The following CRTAC1 variants were observed in gnomAD, a reference collection of about 807,000 sequenced individuals.
CRTAC1 encodes the protein cartilage acidic protein 1.
CRTAC1 carries 37 observed loss-of-function variants against 67.8 expected under a neutral mutation model. The observed-to-expected ratio is 0.55, with a 90% CI of 0.42 to 0.72. The LOEUF is 0.72. Among genes scored for constraint, CRTAC1 ranks in the 30% least tolerant of loss-of-function variants. CRTAC1 has a pLI of 0.00. For synonymous variants in CRTAC1, 348 were observed against 371.0 expected (o/e 0.94, Z 0.71); for missense variants, 780 against 931.6 (o/e 0.84, Z 2.12).
At chr10:98,000,468 T>G (rs1842667526) in intron 2 of CRTAC1, among the ~76,000 whole-genome samples, 1 of 152,222 alleles carries the variant, frequency 6.6e-6, no homozygotes, top group Non-Finnish European at 1.5e-5. Flanking sequence ...CGCTCTGCAG[T>G]AGCAGCCAGC....
At chr10:97,898,189 T>C (rs2050487207) in intron 8 of CRTAC1, among the ~76,000 whole-genome samples, 1 of 152,200 alleles carries the variant, frequency 6.6e-6, no homozygotes. Flanking sequence ...TTGAACACAT[T>C]CTTAGGCAGC....
In CRTAC1 at chr10:97,994,380, C is replaced by T. The variant is rs531636693; in HGVS notation, c.224+16758G>A. ...GCAACACAGCACCAGATAGGGTGCT[C>T]GCTCTGGTCTACAAATGGGCTTCTC... On this transcript the variant is annotated intron_variant, in intron 2 of 14. Transcript: ENST00000370597. Among the ~76,000 whole-genome samples, 68 of 152,212 alleles carry T rather than the reference C, an allele frequency of 4.5e-4. 1 individual carries two copies. Among genetic ancestry groups the T allele is most frequent in the African/African-American group, 1.5e-3 (64 of 41,544 alleles).
At chr10:98,016,802 G>A (rs1843006941) in intron 1 of CRTAC1, among the ~76,000 whole-genome samples, 1 of 151,988 alleles carries the variant, frequency 6.6e-6, no homozygotes, top group Admixed American at 6.6e-5. Flanking sequence ...AGTGAGAAAT[G>A]TTTCTGCTAC....
chr10:98,026,908 G>A (rs1335171493), intron 1 of CRTAC1, among the ~76,000 whole-genome samples: 3 of 151,906 alleles, frequency 2.0e-5, no homozygotes, highest in African/African-American at 4.8e-5. Context: ...GGCCGGGCGC[G>A]GTGGCTCACG....
chr10:97,994,202 G>T (rs1037937013), intron 2 of CRTAC1, among the ~76,000 whole-genome samples: 1 of 152,084 alleles, frequency 6.6e-6, no homozygotes, highest in East Asian at 1.9e-4. Flanking sequence ...TATATTTTTG[G>T]TTTGAGTTTT....
At chr10:97,973,042 C>T (rs1049184861) in intron 2 of CRTAC1, among the ~76,000 whole-genome samples, 2 of 151,978 alleles carry the variant, frequency 1.3e-5, no homozygotes, top group African/African-American at 2.4e-5. Context: ...TTAGATGTAA[C>T]GAAACAGTGT....
chr10:97,996,106 G>A (rs12268198), intron 2 of CRTAC1, among the ~76,000 whole-genome samples: 39,283 of 150,980 alleles, frequency 0.26, 5,357 homozygotes, highest in Non-Finnish European at 0.31. Flanking sequence ...AGACTTAAAC[G>A]TTAGACCTAA....
chr10:97,922,024 G>C (rs1262319203), intron 4 of CRTAC1, among the ~76,000 whole-genome samples: 1 of 151,926 alleles, frequency 6.6e-6, no homozygotes. Context: ...TCTCCCCCCA[G>C]TTCTCTGAGA....
At chr10:97,982,676 G>A (rs533738144) in intron 2 of CRTAC1, among the ~76,000 whole-genome samples, 5 of 152,140 alleles carry the variant, frequency 3.3e-5, no homozygotes, top group East Asian at 1.9e-4. Flanking sequence ...GACACACTTC[G>A]CAAATCAACT....
chr10:97,973,964 A>T (rs2051756155), intron 2 of CRTAC1, among the ~76,000 whole-genome samples: 1 of 145,138 alleles, frequency 6.9e-6, no homozygotes, highest in Non-Finnish European at 1.5e-5. Flanking sequence ...CTCATAAAAG[A>T]TCCCATACCA....
intron 2 of CRTAC1, among the ~76,000 whole-genome samples, chr10:97,982,729 T>C (rs2051912702): frequency 6.6e-6 from 1 of 152,180 alleles, no homozygotes; most frequent in African/African-American, 2.4e-5. Flanking sequence ...CGCAATTGTG[T>C]AAATTCAGGT....
At chr10:97,959,137 A>C (rs2051485029) in intron 2 of CRTAC1, among the ~76,000 whole-genome samples, 1 of 152,224 alleles carries the variant, frequency 6.6e-6, no homozygotes, top group African/African-American at 2.4e-5. Flanking sequence ...AAATGGTATG[A>C]TGAGTATCAC....
At chr10:97,902,105 C>T (rs2050549656) in intron 7 of CRTAC1, among the ~76,000 whole-genome samples, 1 of 152,190 alleles carries the variant, frequency 6.6e-6, no homozygotes, top group African/African-American at 2.4e-5. Context: ...GCTGGGTGGG[C>T]ACCGGAAATC....
chr10:97,889,688 G>T (rs765896480), intron 11 of CRTAC1, among the ~76,000 whole-genome samples: 1 of 152,128 alleles, frequency 6.6e-6, no homozygotes, highest in Admixed American at 6.5e-5. Context: ...ATGCACACGT[G>T]TACACACTCA....
At chr10:97,905,665 G>A (rs1468318620) in intron 6 of CRTAC1, among the ~76,000 whole-genome samples, 1 of 152,218 alleles carries the variant, frequency 6.6e-6, no homozygotes, top group Admixed American at 6.5e-5. Flanking sequence ...CAGGGCCTGT[G>A]GTTGCCTGGT....
chr10:97,881,433 C>T (rs1422826986), intron 13 of CRTAC1, among the ~76,000 whole-genome samples: 2 of 152,198 alleles, frequency 1.3e-5, no homozygotes, highest in Non-Finnish European at 2.9e-5. Context: ...GAGCACCTTG[C>T]TCAGAGGGTT....
Position 97,996,136 on chromosome 10 carries a change from G to A in CRTAC1, c.224+15002C>T, listed in dbSNP as rs1015748677. ...ACCTAAAACCATAAAAACCCTAGAA[G>A]AAAACCTAGGCATTACCATTCAGGA... On this transcript the variant is annotated intron_variant, in intron 2 of 14. Transcript: ENST00000370597. 2.0e-5 allele frequency among the ~76,000 whole-genome samples: 3 copies of A among 151,680 alleles called. No individual in the cohort carries two copies. In the East Asian group the frequency reaches 5.8e-4, roughly 29 times the overall value.
chr10:97,909,338 T>C (rs2050657527), intron 5 of CRTAC1, among the ~76,000 whole-genome samples: 3 of 152,018 alleles, frequency 2.0e-5, no homozygotes, highest in African/African-American at 7.2e-5. Context: ...GTGCAGAAAA[T>C]GGCCCGACCA....
chr10:97,898,516 G>T (rs527390410), intron 8 of CRTAC1, among the ~76,000 whole-genome samples: 22 of 152,254 alleles, frequency 1.4e-4, no homozygotes, highest in Non-Finnish European at 2.9e-4. Context: ...AAAGCTTGTT[G>T]TGCCTGCTGC....
Sources: gnomAD v4.1 joint callset for allele counts (sites outside exome capture counted in the v4.1 genomes callset) on GRCh38, gnomAD v4.1.1 for gene constraint, MANE v1.5 for transcripts, NCBI Gene and HGNC (gene_info 2026-07-23, HGNC 2026-07-21) for gene names.